Variants in RALGDS observed in about 807,000 individuals in gnomAD.
RALGDS encodes ral guanine nucleotide dissociation stimulator.
Under a neutral mutation model 99.8 loss-of-function variants are expected in RALGDS, and 44 were observed. That is an observed-to-expected ratio of 0.44 (90% CI 0.35 to 0.57). The LOEUF is 0.57. Among genes scored for constraint, RALGDS ranks in the 20% least tolerant of loss-of-function variants. RALGDS has a pLI of 0.01. For missense variants in RALGDS, 1,022 were observed against 1,203.1 expected (o/e 0.85, Z 2.23); for synonymous variants, 529 against 505.0 (o/e 1.05, Z -0.64).
At chr9:133,123,737 TAG>T (rs771123863), upstream of RALGDS, among the ~76,000 whole-genome samples, 1 of 109,652 alleles carries the variant, frequency 9.1e-6, no homozygotes, top group Non-Finnish European at 1.9e-5. Flanking sequence ...GACACACACA[TAG>T]AGACAGAGAC....
At chr9:133,132,102 G>A (rs528492515), upstream of RALGDS, among the ~76,000 whole-genome samples, 1 of 152,376 alleles carries the variant, frequency 6.6e-6, no homozygotes, top group South Asian at 2.1e-4. Flanking sequence ...GGCAGTCCGG[G>A]GTCTGCCCAG....
rs377211528 is a variant in RALGDS at position 133,108,835 on chromosome 9, C to G, written c.616G>C (p.Asp206His). The G allele has an allele frequency of 2.0e-5, 32 of 1,612,920 alleles. No homozygotes were observed. The highest frequency in any genetic ancestry group is 2.7e-5 in the Non-Finnish European group (32 of 1,179,912). Residue 206 changes from aspartate (D) to histidine (H), a missense_variant, in exon 5 of 18, where the codon GAC becomes CAC. By Grantham distance (81) the Asp-to-His change is moderately conservative. Around this residue, in one of 3 missense-constraint regions of RALGDS, gnomAD observed 825 missense variants for 994.5 expected, o/e 0.83. Coordinates refer to ENST00000372050, the MANE Select transcript of RALGDS (RefSeq NM_006266.4). ...TGACAGAAATCCTCCGAGTACTGGT[C>G]CAGCCAGGTGCCCAGGATGGAGGAG... Reference protein sequence around the residue: ...AISSILGTWLDQYSEDFCQPP... With the variant: ...AISSILGTWLHQYSEDFCQPP...
Position 133,098,350 on chromosome 9 carries a change from C to T in RALGDS, c.*237G>A. On this transcript the variant is annotated 3_prime_UTR_variant, in exon 18 of 18. Coordinates refer to ENST00000372050, the MANE Select transcript of RALGDS (RefSeq NM_006266.4). ...GTTGGCACTGCTCCTTGGCAAAAGT[C>T]AGCTAGTCCTCTGGTTCCAGAGAGC... 1.8e-6 allele frequency: 1 copy of T among 565,096 alleles called. No homozygotes were observed. The highest frequency in any genetic ancestry group is 2.0e-5 in the South Asian group (1 of 50,336). 35.0% of individuals were successfully genotyped at this position (565,096 alleles called of 1,614,324 possible).
At chr9:133,122,444 G>C (rs1438365468), upstream of RALGDS, among the ~76,000 whole-genome samples, 1 of 152,180 alleles carries the variant, frequency 6.6e-6, no homozygotes, top group Non-Finnish European at 1.5e-5. Context: ...CTGAGAGGGC[G>C]GGACCAGACA....
chr9:133,120,047 T>C (rs1831841758), intron 1 of RALGDS, among the ~76,000 whole-genome samples: 1 of 152,186 alleles, frequency 6.6e-6, no homozygotes, highest in East Asian at 1.9e-4. Flanking sequence ...TGATGGGCCC[T>C]GAGCCCCCGA....
chr9:133,099,611 C>T (rs914920502), intron 17 of RALGDS: 2 of 155,282 alleles, frequency 1.3e-5, no homozygotes, highest in African/African-American at 4.8e-5. Context: ...CATATATATA[C>T]ACACACATAT....
chr9:133,107,927 G>T, intron 6 of RALGDS, 61 bp downstream of exon 6: 1 of 1,587,370 alleles, frequency 6.3e-7, no homozygotes. Flanking sequence ...TGGTAGGTCT[G>T]GGACAGCAGA....
chr9:133,100,064 C>A, intron 17 of RALGDS: 1 of 642,760 alleles, frequency 1.6e-6, no homozygotes, highest in Non-Finnish European at 2.8e-6. Context: ...TGCCTGTTCA[C>A]GCCTAGGGAA....
At chr9:133,143,220 G>A (rs763487090) in intron 1 of RALGDS, among the ~76,000 whole-genome samples, 8 of 152,300 alleles carry the variant, frequency 5.3e-5, no homozygotes, top group African/African-American at 1.9e-4. Flanking sequence ...CCCCAGGCTC[G>A]CAGCCCATGC....
rs1250356482 is a variant in RALGDS at position 133,144,705 on chromosome 9, C to T, written c.18+4258G>A. On this transcript the variant is annotated intron_variant, in intron 1 of 17. Coordinates refer to the RALGDS transcript ENST00000393160. The surrounding 1 kb of genome is among the most constrained non-coding windows in gnomAD (Gnocchi z 4.5). ...GCTGGGTTCCTGCGATGTCTTCCGA[C>T]TCCCCGCTGCTCCCCTAGTCCCCGT... Among the ~76,000 whole-genome samples, 1 of 152,252 alleles carries T rather than the reference C, an allele frequency of 6.6e-6. No homozygotes were observed. The highest frequency in any genetic ancestry group is 2.4e-5 in the African/African-American group (1 of 41,472).
At chr9:133,123,935 A>C (rs1392619144), upstream of RALGDS, among the ~76,000 whole-genome samples, 1 of 139,522 alleles carries the variant, frequency 7.2e-6, no homozygotes, top group South Asian at 2.4e-4. Flanking sequence ...CAGAGACACA[A>C]AGATACACAG....
chr9:133,125,587 T>C (rs1382071296), upstream of RALGDS, among the ~76,000 whole-genome samples: 1 of 152,032 alleles, frequency 6.6e-6, no homozygotes, highest in Non-Finnish European at 1.5e-5. Context: ...TACAAAAAAA[T>C]TAGCCTGGCA....
chr9:133,139,820 C>T (rs947936336), intron 1 of RALGDS, among the ~76,000 whole-genome samples: 9 of 152,182 alleles, frequency 5.9e-5, no homozygotes, highest in African/African-American at 9.6e-5. Context: ...CCTGCCCATG[C>T]GGTGCCAGGG....
rs1743006719 is a variant in RALGDS, at chr9:133,098,651, C to G, written c.2681G>C (p.Gly894Ala). The G allele has an allele frequency of 5.6e-6, 9 of 1,614,142 alleles. No homozygotes were observed. The highest frequency in any genetic ancestry group is 7.6e-6 in the Non-Finnish European group (9 of 1,180,018). Residue 894 changes from glycine to alanine, a missense_variant, in exon 18 of 18, where the codon GGA becomes GCA. This residue lies in a region of RALGDS where 825 missense variants were observed against 994.5 expected (regional missense o/e 0.83). Transcript: ENST00000372050. ...CATGCGAGGGAGGGTGGAGCTGGCT[C>G]CGTGCTTGACCTTCACTCCCTTGGT... ...TFTKGVKVKH[G>A]ASSTLPRMKQ...
intron 1 of RALGDS, among the ~76,000 whole-genome samples, chr9:133,112,711 G>A (rs917744138): frequency 6.6e-6 from 1 of 152,188 alleles, no homozygotes; most frequent in Non-Finnish European, 1.5e-5. Context: ...TAGCAGGAAC[G>A]CACAGCTCCT....
At chr9:133,142,365 G>A (rs1679432027) in intron 1 of RALGDS, among the ~76,000 whole-genome samples, 1 of 152,114 alleles carries the variant, frequency 6.6e-6, no homozygotes, top group South Asian at 2.1e-4. Flanking sequence ...AGGGGTGGGT[G>A]TGCGCTGGTG....
At position 133,137,618 on chromosome 9, in the gene RALGDS, G is replaced by A. The variant is rs1002625094; in HGVS notation, c.18+11345C>T. Among the ~76,000 whole-genome samples, 13 of 152,332 alleles carry A rather than the reference G, an allele frequency of 8.5e-5. No homozygotes were observed. The East Asian group carries it at 9.7e-4, about 11-fold the overall frequency. ...GAAGAGAGGCAGAGGCAAGCCAGGC[G>A]GGGGAAGAGCGAGGAGGAAGGCAGC... On this transcript the variant is annotated intron_variant, in intron 1 of 17. Coordinates refer to the RALGDS transcript ENST00000393160.
chr9:133,147,469 G>GC (rs1010406040), intron 1 of RALGDS, among the ~76,000 whole-genome samples: 5 of 152,270 alleles, frequency 3.3e-5, no homozygotes, highest in East Asian at 1.9e-4. Context: ...GCCCAACGCT[G>GC]CCCCCCCACA....
At chr9:133,102,354 G>C (rs1830796572) in intron 14 of RALGDS, 122 bp downstream of exon 14, 1 of 1,210,568 alleles carries the variant, frequency 8.3e-7, no homozygotes, top group Non-Finnish European at 1.2e-6. Flanking sequence ...CCAGTCTCAG[G>C]GCCAGTCAGC....
Sources: gnomAD v4.1 joint callset for allele counts (sites outside exome capture counted in the v4.1 genomes callset) on GRCh38, gnomAD v4.1.1 for gene constraint, gnomAD v4.1.1 regional missense constraint, Gnocchi (gnomAD v3.1) non-coding constraint, MANE v1.5 for transcripts, NCBI Gene and HGNC (gene_info 2026-07-23, HGNC 2026-07-21) for gene names.